HIVEP3: variants seen among roughly 807,000 people sequenced by gnomAD.
The protein encoded by HIVEP3 is transcription factor HIVEP3.
In HIVEP3, 49 loss-of-function variants were observed where a neutral mutation model predicts 152.8. The observed-to-expected ratio is 0.32, with a 90% confidence interval of 0.26 to 0.41. The LOEUF is 0.41. Ranked by LOEUF, HIVEP3 falls within the 10% of genes least tolerant of loss-of-function variation. The pLI is 1.00. For missense variants in HIVEP3, 2,790 were observed against 3,103.3 expected, an observed-to-expected ratio of 0.90 and a Z score of 2.40; for synonymous variants, 1,269 against 1,289.0, an observed-to-expected ratio of 0.98 and a Z score of 0.33.
intron 3 of HIVEP3, among the ~76,000 whole-genome samples, chr1:41,599,711 A>G (rs1164850063): frequency 6.6e-6 from 1 of 152,218 alleles, no homozygotes; most frequent in Admixed American, 6.5e-5. Context: ...ATACACAACA[A>G]AAGTACAAAT....
At position 41,853,335 on chromosome 1, in the gene HIVEP3, G is replaced by A. The variant is rs559287250; in HGVS notation, c.-801+65078C>T. On this transcript the variant is annotated intron_variant, in intron 1 of 8. Coordinates refer to ENST00000372583, the MANE Select transcript of HIVEP3 (RefSeq NM_024503.5). Reference sequence around the variant, plus strand: ...TAAAGGAAAGAGGTTTAATTGACTCGTAGTTCTGCATGGCTGGGGAGGCCT... The same window carrying A: ...TAAAGGAAAGAGGTTTAATTGACTCATAGTTCTGCATGGCTGGGGAGGCCT... 6.0e-4 allele frequency among the ~76,000 whole-genome samples: 91 copies of A among 152,266 alleles called. No homozygotes were observed. In the South Asian group the frequency reaches 6.4e-3, roughly 11 times the overall value.
At chr1:41,985,036 A>G (rs1645314239) in intron 1 of HIVEP3, among the ~76,000 whole-genome samples, 1 of 151,882 alleles carries the variant, frequency 6.6e-6, no homozygotes, top group Non-Finnish European at 1.5e-5. Context: ...CCAGGGGATG[A>G]CTGATTGATT....
chr1:41,510,249 G>C lies in HIVEP3; in HGVS notation c.*202C>G. 1 of 410,610 alleles carries C rather than the reference G, an allele frequency of 2.4e-6. No individual in the cohort carries two copies. The highest frequency in any genetic ancestry group is 4.2e-6 in the Non-Finnish European group (1 of 235,504). 25.4% of individuals were successfully genotyped at this position (410,610 alleles called of 1,614,324 possible). A position where few individuals can be genotyped will look rare whatever the true frequency, so the allele number is the denominator to read the frequency against. ...TTTTTTAAATGTATGTATGTGATTT[G>C]TTTTGTTTCTTTTTAAGCAACAAAA... On this transcript the variant is annotated 3_prime_UTR_variant, in exon 9 of 9. Coordinates refer to ENST00000372583, the MANE Select transcript of HIVEP3 (RefSeq NM_024503.5).
chr1:41,607,440 C>G (rs16828453), intron 3 of HIVEP3, among the ~76,000 whole-genome samples: 10,494 of 152,222 alleles, frequency 0.069, 1,029 homozygotes, highest in East Asian at 0.47. Flanking sequence ...TCCAATTGTG[C>G]TATCTTCATA....
intron 2 of HIVEP3, among the ~76,000 whole-genome samples, chr1:41,675,072 C>T (rs1484855866): frequency 3.9e-5 from 6 of 152,140 alleles, no homozygotes; most frequent in African/African-American, 1.2e-4. Context: ...TGTCCCTGTC[C>T]CCCCACAGGT....
intron 1 of HIVEP3, among the ~76,000 whole-genome samples, chr1:41,768,790 C>G (rs1018459729): frequency 6.6e-6 from 1 of 152,218 alleles, no homozygotes; most frequent in African/African-American, 2.4e-5. Context: ...TATGCTATTC[C>G]AAATTTAATG....
intron 3 of HIVEP3, among the ~76,000 whole-genome samples, chr1:41,624,767 C>T (rs1645092251): frequency 1.3e-5 from 2 of 152,218 alleles, no homozygotes; most frequent in Non-Finnish European, 1.5e-5. Flanking sequence ...TTCCCTTCTA[C>T]TCCTCCCCAA....
chr1:41,837,886 T>C (rs1388808978), intron 1 of HIVEP3, among the ~76,000 whole-genome samples: 1 of 152,170 alleles, frequency 6.6e-6, no homozygotes, highest in Non-Finnish European at 1.5e-5. Flanking sequence ...GTCTCTCCCA[T>C]TGCCTTCTAT....
At chr1:41,659,799 T>A (rs1223169501) in intron 2 of HIVEP3, among the ~76,000 whole-genome samples, 1 of 152,116 alleles carries the variant, frequency 6.6e-6, no homozygotes, top group Non-Finnish European at 1.5e-5. Flanking sequence ...CGGCGTTGGG[T>A]TGGCCCTGCA....
At chr1:41,678,087 A>C (rs1012097918) in intron 2 of HIVEP3, among the ~76,000 whole-genome samples, 1 of 152,124 alleles carries the variant, frequency 6.6e-6, no homozygotes, top group Admixed American at 6.5e-5. Flanking sequence ...CTGAATAAAT[A>C]TTTTGGTTCC....
chr1:41,800,704 T>C (rs1249933615), intron 1 of HIVEP3, among the ~76,000 whole-genome samples: 1 of 152,194 alleles, frequency 6.6e-6, no homozygotes, highest in African/African-American at 2.4e-5. Context: ...TGTCCAGTGA[T>C]AGAGGATGTG....
At chr1:41,899,252 A>T (rs1644581245) in intron 1 of HIVEP3, among the ~76,000 whole-genome samples, 1 of 152,232 alleles carries the variant, frequency 6.6e-6, no homozygotes, top group Non-Finnish European at 1.5e-5. Context: ...GATGTGGTTT[A>T]TGCATCTCTA....
intron 5 of HIVEP3, among the ~76,000 whole-genome samples, chr1:41,536,281 T>C (rs1643398730): frequency 6.6e-6 from 1 of 152,100 alleles, no homozygotes; most frequent in Non-Finnish European, 1.5e-5. Context: ...AGAATAGCAT[T>C]ATTCTACTAC....
At chr1:41,716,927 C>T (rs919182466) in intron 1 of HIVEP3, among the ~76,000 whole-genome samples, 1 of 152,232 alleles carries the variant, frequency 6.6e-6, no homozygotes, top group African/African-American at 2.4e-5. Context: ...GTGCCAGCAA[C>T]AGAAAGCAGG....
In HIVEP3 at chr1:41,871,679, T is replaced by C. The variant is rs894167783; in HGVS notation, c.-801+46734A>G. On this transcript the variant is annotated intron_variant, in intron 1 of 8. Transcript: ENST00000372583. ...ACCAGATAGCAGGATAATTTCACTA[T>C]CTACGTGAAACATTATCCAAGAATC... 3.3e-5 allele frequency among the ~76,000 whole-genome samples: 5 copies of C among 152,342 alleles called. No homozygotes were observed. The East Asian group carries it at 9.6e-4, about 29-fold the overall frequency.
At chr1:41,727,991 T>A (rs960699642) in intron 1 of HIVEP3, among the ~76,000 whole-genome samples, 3 of 152,218 alleles carry the variant, frequency 2.0e-5, no homozygotes, top group Non-Finnish European at 4.4e-5. Flanking sequence ...GGGTGCACCT[T>A]CAGGATACCT....
intron 2 of HIVEP3, among the ~76,000 whole-genome samples, chr1:41,653,968 A>C (rs1389095893): frequency 2.0e-5 from 3 of 151,100 alleles, no homozygotes; most frequent in East Asian, 1.9e-4. Flanking sequence ...AAAAAAAAAA[A>C]AAAAAAAAAA....
intron 1 of HIVEP3, among the ~76,000 whole-genome samples, chr1:41,965,848 G>C (rs564384427): frequency 1.3e-5 from 2 of 152,256 alleles, no homozygotes; most frequent in Admixed American, 1.3e-4. Flanking sequence ...TAGCAAGACA[G>C]GCCAACATTC....
At chr1:41,925,039 G>C (rs546974527) in intron 1 of HIVEP3, among the ~76,000 whole-genome samples, 2 of 152,306 alleles carry the variant, frequency 1.3e-5, no homozygotes, top group Admixed American at 6.5e-5. Context: ...CACCATGCTT[G>C]TTCTAGAACA....
Sources: allele counts gnomAD v4.1 joint callset (sites outside exome capture counted in the v4.1 genomes callset), GRCh38; gene constraint gnomAD v4.1.1; transcripts MANE v1.5; gene names NCBI Gene and HGNC (gene_info 2026-07-23, HGNC 2026-07-21).